The following RAB38 variants were observed in gnomAD, a reference collection of about 807,000 sequenced individuals.
The protein encoded by RAB38 is ras-related protein Rab-38.
A neutral mutation model predicts 18.4 loss-of-function variants in RAB38; 15 were observed. That is an observed-to-expected ratio of 0.82 (90% CI 0.55 to 1.26). The LOEUF (loss-of-function observed/expected upper bound fraction) is 1.26. Ranked by LOEUF, RAB38 falls within the 50% of genes most tolerant of loss-of-function variation. The pLI, the probability that RAB38 is intolerant of heterozygous loss-of-function variation, is 0.00. For synonymous variants in RAB38, 101 were observed against 104.4 expected, an observed-to-expected ratio of 0.97 and a Z score of 0.20; for missense variants, 294 against 267.4, an observed-to-expected ratio of 1.10 and a Z score of -0.69.
chr11:87,862,190 A>G, the RAB38 span, among the ~76,000 whole-genome samples: 1 of 151,710 alleles, frequency 6.6e-6, no homozygotes, highest in African/African-American at 2.4e-5. Context: ...TCAATTGTCT[A>G]TATACAGACA....
chr11:88,046,156 ACC>A, the RAB38 span, among the ~76,000 whole-genome samples: 81 of 151,934 alleles, frequency 5.3e-4, 1 homozygote, highest in Middle Eastern at 0.014. Flanking sequence ...AATCACCTTT[ACC>A]CCACTCAAGG....
the RAB38 span, among the ~76,000 whole-genome samples, chr11:87,962,402 C>T: frequency 7.9e-5 from 12 of 152,044 alleles, no homozygotes; most frequent in East Asian, 2.3e-3. Context: ...GGACAAATAC[C>T]ACATGATCTC....
the RAB38 span, among the ~76,000 whole-genome samples, chr11:87,839,869 C>T: frequency 6.6e-6 from 1 of 152,162 alleles, no homozygotes; most frequent in African/African-American, 2.4e-5. Context: ...AATTAACCTT[C>T]ATTTGGCCAG....
At chr11:87,946,823 C>G in the RAB38 span, among the ~76,000 whole-genome samples, 2 of 152,192 alleles carry the variant, frequency 1.3e-5, no homozygotes, top group African/African-American at 4.8e-5. Context: ...CAAGTCTTTG[C>G]TATTGTGAAT....
At chr11:88,031,180 G>A in the RAB38 span, among the ~76,000 whole-genome samples, 9 of 152,138 alleles carry the variant, frequency 5.9e-5, no homozygotes, top group Admixed American at 3.9e-4. Context: ...ATTCAAAAAC[G>A]CTTCATGCTA....
At chr11:87,946,578 C>T in the RAB38 span, among the ~76,000 whole-genome samples, 1 of 150,470 alleles carries the variant, frequency 6.6e-6, no homozygotes, top group Non-Finnish European at 1.5e-5. Flanking sequence ...GTGTGATGTT[C>T]CCCTTCCTGT....
At chr11:88,120,736 G>A (rs1942618349) in intron 2 of RAB38, among the ~76,000 whole-genome samples, 3 of 152,110 alleles carry the variant, frequency 2.0e-5, no homozygotes, top group Admixed American at 2.0e-4. Flanking sequence ...AGATGTCAAA[G>A]TGTATTTCAA....
At position 88,151,952 on chromosome 11, in the gene RAB38, G is replaced by A. The variant is rs867555220; in HGVS notation, c.203-1997C>T. The stretch of plus-strand genomic sequence containing the variant: ...TTCTTACGTGGGTTATACCAGAGAC[G>A]CATTTTTTTATCCCACAGTTGCCTA... On this transcript the variant is annotated intron_variant, in intron 1 of 2. Coordinates refer to ENST00000243662, the MANE Select transcript of RAB38 (RefSeq NM_022337.3). Among the ~76,000 whole-genome samples, 41 of 152,266 alleles carry A rather than the reference G, an allele frequency of 2.7e-4. 1 individual carries two copies. The highest frequency in any genetic ancestry group is 8.9e-4 in the African/African-American group (37 of 41,544).
chr11:88,150,030 T>G, intron 1 of RAB38, 75 bp from the exon 2 acceptor site: 1 of 1,448,580 alleles, frequency 6.9e-7, no homozygotes, highest in South Asian at 1.3e-5. Context: ...TCATGAAGCC[T>G]CCAAGATGAG....
At chr11:87,848,004 GTAGAGTTTTATTC>G in the RAB38 span, among the ~76,000 whole-genome samples, 1 of 152,054 alleles carries the variant, frequency 6.6e-6, no homozygotes, top group Non-Finnish European at 1.5e-5. Flanking sequence ...AAGTCTACTA[GTAGAGTTTTATTC>G]TATTAAACCA....
the RAB38 span, among the ~76,000 whole-genome samples, chr11:87,974,921 G>A: frequency 2.0e-5 from 3 of 152,024 alleles, no homozygotes; most frequent in East Asian, 3.9e-4. Context: ...AAACTGGGTG[G>A]CTTAACACAA....
At chr11:88,116,703 T>C (rs1404068562) in intron 2 of RAB38, among the ~76,000 whole-genome samples, 1 of 152,232 alleles carries the variant, frequency 6.6e-6, no homozygotes, top group Non-Finnish European at 1.5e-5. Flanking sequence ...TTTATTTATC[T>C]TCCATATATT....
chr11:87,938,619 G>T, the RAB38 span, among the ~76,000 whole-genome samples: 21 of 99,830 alleles, frequency 2.1e-4, no homozygotes, highest in African/African-American at 3.9e-4. Context: ...GCTCTTTTCC[G>T]TTTTTTTTTT....
the RAB38 span, among the ~76,000 whole-genome samples, chr11:88,053,451 C>CAT: frequency 7.5e-6 from 1 of 133,556 alleles, no homozygotes; most frequent in Non-Finnish European, 1.6e-5. Flanking sequence ...TATATACACA[C>CAT]ATATATATGG....
At chr11:87,861,210 A>C in the RAB38 span, among the ~76,000 whole-genome samples, 3 of 151,932 alleles carry the variant, frequency 2.0e-5, no homozygotes, top group Non-Finnish European at 1.5e-5. Flanking sequence ...AAGAAGATGG[A>C]TGCTTAACAG....
chr11:87,815,385 C>CT, the RAB38 span: 1 of 151,906 alleles, frequency 6.6e-6, no homozygotes, highest in African/African-American at 2.4e-5. Context: ...ATTGAGGGGG[C>CT]TGGCTAAACT....
the RAB38 span, among the ~76,000 whole-genome samples, chr11:88,092,340 G>C: frequency 2.3e-5 from 1 of 42,776 alleles, no homozygotes; most frequent in Non-Finnish European, 4.8e-5. Flanking sequence ...GAGAGAGAGA[G>C]AGAGAGGGAG....
the RAB38 span, among the ~76,000 whole-genome samples, chr11:88,073,747 G>GT: frequency 6.8e-6 from 1 of 147,520 alleles, no homozygotes; most frequent in African/African-American, 2.5e-5. Flanking sequence ...CAAAATAGTA[G>GT]TTAAAAAAAA....
At chr11:88,119,804 G>A (rs906930522) in intron 2 of RAB38, among the ~76,000 whole-genome samples, 1 of 152,006 alleles carries the variant, frequency 6.6e-6, no homozygotes, top group South Asian at 2.1e-4. Context: ...AGACTCCAAG[G>A]TTAGGGCACT....
Sources: gnomAD v4.1 joint callset for allele counts (sites outside exome capture counted in the v4.1 genomes callset) on GRCh38, gnomAD v4.1.1 for gene constraint, MANE v1.5 for transcripts, NCBI Gene and HGNC (gene_info 2026-07-23, HGNC 2026-07-21) for gene names.